The following BTBD1 variants were observed in gnomAD, a reference collection of about 807,000 sequenced individuals.
The protein encoded by BTBD1 is BTB domain containing 1, also known as BTB/POZ domain-containing protein 1.
Under a neutral mutation model 48.0 loss-of-function variants are expected in BTBD1, and 34 were observed. The observed-to-expected ratio is 0.71, with a 90% confidence interval of 0.54 to 0.94. The LOEUF is 0.94. BTBD1 is among the 40% of genes least tolerant of loss of function. BTBD1 has a pLI of 0.00. For missense variants in BTBD1, 543 were observed against 625.6 expected (o/e 0.87, Z 1.41); for synonymous variants, 261 against 242.1 (o/e 1.08, Z -0.72).
At chr15:83,052,621 A>G (rs954470845) in intron 2 of BTBD1, among the ~76,000 whole-genome samples, 3 of 145,052 alleles carry the variant, frequency 2.1e-5, no homozygotes, top group Admixed American at 1.4e-4. Context: ...TGAAATTCTA[A>G]TATCAACAGA....
chr15:83,040,528 C>T (rs150364667), intron 4 of BTBD1, among the ~76,000 whole-genome samples: 47 of 151,850 alleles, frequency 3.1e-4, no homozygotes, highest in African/African-American at 1.1e-3. Context: ...TATGGTGAAA[C>T]TCTGTCTCTA....
intron 1 of BTBD1, among the ~76,000 whole-genome samples, chr15:83,064,332 T>G (rs573086235): frequency 6.6e-6 from 1 of 151,412 alleles, no homozygotes; most frequent in South Asian, 2.1e-4. Flanking sequence ...ACCTGAAGGA[T>G]AAATACAATG....
chr15:83,020,640 T>C, intron 6 of BTBD1, 35 bp downstream of exon 6: 1 of 1,343,670 alleles, frequency 7.4e-7, no homozygotes, highest in Non-Finnish European at 1.0e-6. Context: ...TTTGTGTTAT[T>C]TCAAAATGAT....
intron 4 of BTBD1, among the ~76,000 whole-genome samples, chr15:83,041,524 C>T (rs1276209830): frequency 6.6e-6 from 1 of 151,940 alleles, no homozygotes; most frequent in Non-Finnish European, 1.5e-5. Context: ...TACAGGTGCC[C>T]ACCACCATGC....
chr15:83,019,641 G>T (rs559340984), intron 6 of BTBD1, among the ~76,000 whole-genome samples: 31 of 144,776 alleles, frequency 2.1e-4, no homozygotes, highest in African/African-American at 8.0e-4. Flanking sequence ...CTGGCTGGAA[G>T]GCAGTGGCAT....
chr15:83,035,022 G>A (rs973755401), intron 4 of BTBD1, among the ~76,000 whole-genome samples: 1 of 152,164 alleles, frequency 6.6e-6, no homozygotes, highest in South Asian at 2.1e-4. Flanking sequence ...GGCCAGGCAC[G>A]GTGGCTCATG....
chr15:83,062,935 A>G (rs543499973), intron 1 of BTBD1, among the ~76,000 whole-genome samples: 3 of 152,170 alleles, frequency 2.0e-5, no homozygotes, highest in African/African-American at 7.2e-5. Context: ...AACCTACTCT[A>G]ATCAGCTGAA....
At chr15:83,044,909 A>G in intron 3 of BTBD1, 1 of 625,538 alleles carries the variant, frequency 1.6e-6, no homozygotes, top group Non-Finnish European at 2.8e-6. Context: ...CAGCTATTTC[A>G]AAGTGTCTTG....
intron 4 of BTBD1, among the ~76,000 whole-genome samples, chr15:83,035,085 G>A (rs190989169): frequency 6.6e-6 from 1 of 152,252 alleles, no homozygotes; most frequent in East Asian, 1.9e-4. Context: ...CCTGAGGTCA[G>A]GAGTTTGAGA....
intron 6 of BTBD1, among the ~76,000 whole-genome samples, chr15:83,019,490 C>A (rs1226430245): frequency 1.3e-5 from 2 of 151,828 alleles, no homozygotes; most frequent in Admixed American, 6.6e-5. Flanking sequence ...TGCGCCCAGA[C>A]TGTTTCTATT....
chr15:83,045,518 C>CA (rs200876757), intron 3 of BTBD1, among the ~76,000 whole-genome samples: 4,656 of 151,332 alleles, frequency 0.031, 222 homozygotes, highest in African/African-American at 0.11. Flanking sequence ...AACAAACAAA[C>CA]AAAAAAAAAC....
chr15:83,041,368 ATT>A (rs903109976), intron 4 of BTBD1, among the ~76,000 whole-genome samples: 3 of 143,060 alleles, frequency 2.1e-5, no homozygotes, highest in Admixed American at 7.0e-5. Flanking sequence ...GACTGATAGA[ATT>A]TTTTTTTTTT....
intron 4 of BTBD1, among the ~76,000 whole-genome samples, chr15:83,030,964 C>T (rs1357861371): frequency 6.6e-6 from 1 of 152,012 alleles, no homozygotes; most frequent in African/African-American, 2.4e-5. Context: ...CATGAAGAGA[C>T]AATTCTCAAA....
chr15:83,060,696 A>C (rs887732227), intron 1 of BTBD1, among the ~76,000 whole-genome samples: 1 of 152,224 alleles, frequency 6.6e-6, no homozygotes, highest in African/African-American at 2.4e-5. Flanking sequence ...CGGGAGGCTA[A>C]GCCAGGAGAA....
rs2032846877 is a variant in BTBD1, at chr15:83,044,897, T to G, written c.665-2972A>C. 23 of 639,482 alleles carry G rather than the reference T, an allele frequency of 3.6e-5. No individual in the cohort carries two copies. The South Asian group carries it at 4.0e-4, about 11-fold the overall frequency. 39.6% of individuals were successfully genotyped at this position (639,482 alleles called of 1,614,324 possible). A position where few individuals can be genotyped will look rare whatever the true frequency, so the allele number is the denominator to read the frequency against. On this transcript the variant is annotated intron_variant, in intron 3 of 7. Coordinates refer to ENST00000261721, the MANE Select transcript of BTBD1 (RefSeq NM_025238.4). ...TTATCTTTATCACAAACGTTTCACA[T>G]GCAGCTATTTCAAAGTGTCTTGGAT...
chr15:83,060,528 T>C (rs914516650), intron 1 of BTBD1, among the ~76,000 whole-genome samples: 1 of 151,054 alleles, frequency 6.6e-6, no homozygotes, highest in Non-Finnish European at 1.5e-5. Context: ...GCACGGTAGC[T>C]CACACCTGTA....
intron 2 of BTBD1, among the ~76,000 whole-genome samples, chr15:83,053,109 C>T (rs750134224): frequency 6.6e-6 from 1 of 152,104 alleles, no homozygotes; most frequent in Non-Finnish European, 1.5e-5. Flanking sequence ...TCTACTGCTG[C>T]TATTTAGGGT....
intron 1 of BTBD1, among the ~76,000 whole-genome samples, 159 bp downstream of exon 1, chr15:83,066,592 C>T (rs560729266): frequency 6.6e-6 from 1 of 152,184 alleles, no homozygotes; most frequent in Non-Finnish European, 1.5e-5. Flanking sequence ...TTCGACCCTC[C>T]GGAGCATCAA....
At chr15:83,050,881 A>G (rs991821039) in intron 2 of BTBD1, among the ~76,000 whole-genome samples, 2 of 152,206 alleles carry the variant, frequency 1.3e-5, no homozygotes, top group African/African-American at 4.8e-5. Context: ...TGAACCACAC[A>G]AACCTAATGA....
Sources: gnomAD v4.1 joint callset for allele counts (sites outside exome capture counted in the v4.1 genomes callset) on GRCh38, gnomAD v4.1.1 for gene constraint, MANE v1.5 for transcripts, NCBI Gene and HGNC (gene_info 2026-07-23, HGNC 2026-07-21) for gene names.